The following TSPAN5 variants were observed in gnomAD, a reference collection of about 807,000 sequenced individuals.
TSPAN5 encodes the protein tetraspanin-5.
A neutral mutation model predicts 37.1 loss-of-function variants in TSPAN5; 10 were observed. The ratio of observed to expected loss-of-function variants is 0.27; its 90% confidence interval spans 0.17 to 0.46. TSPAN5 has a LOEUF of 0.46. TSPAN5 is among the 20% of genes least tolerant of loss of function. TSPAN5 has a pLI of 1.00. For missense variants in TSPAN5, 195 were observed against 326.6 expected, an observed-to-expected ratio of 0.60 and a Z score of 3.11; for synonymous variants, 110 against 118.9, an observed-to-expected ratio of 0.93 and a Z score of 0.48.
intron 1 of TSPAN5, among the ~76,000 whole-genome samples, chr4:98,548,444 A>T (rs1315503817): frequency 6.6e-6 from 1 of 152,208 alleles, no homozygotes; most frequent in Non-Finnish European, 1.5e-5. Context: ...GCAATGATGG[A>T]GAAAAGAGAT....
At chr4:98,509,198 T>G (rs1356993194) in intron 1 of TSPAN5, among the ~76,000 whole-genome samples, 1 of 152,178 alleles carries the variant, frequency 6.6e-6, no homozygotes, top group African/African-American at 2.4e-5. Context: ...ACATCTTGAT[T>G]AAGTTAATGT....
chr4:98,546,949 G>T (rs998209712), intron 1 of TSPAN5, among the ~76,000 whole-genome samples: 2 of 152,176 alleles, frequency 1.3e-5, no homozygotes, highest in Non-Finnish European at 2.9e-5. Context: ...CTGGGTGAGC[G>T]CTAATGAGGT....
chr4:98,562,337 A>C (rs1425393817), intron 1 of TSPAN5, among the ~76,000 whole-genome samples: 2 of 152,160 alleles, frequency 1.3e-5, no homozygotes, highest in African/African-American at 4.8e-5. Flanking sequence ...ATGAAAACTG[A>C]AATAAGACAA....
intron 1 of TSPAN5, among the ~76,000 whole-genome samples, chr4:98,520,291 T>G (rs1343036256): frequency 6.6e-6 from 1 of 152,176 alleles, no homozygotes; most frequent in East Asian, 1.9e-4. Context: ...ACTGTTTGTG[T>G]TCCGTTAAGT....
At chr4:98,502,653 TGA>T (rs1158902432) in intron 2 of TSPAN5, among the ~76,000 whole-genome samples, 2 of 151,980 alleles carry the variant, frequency 1.3e-5, no homozygotes, top group African/African-American at 4.8e-5. Flanking sequence ...AGTGAAAAAG[TGA>T]AAGATACCAT....
chr4:98,641,702 A>G (rs1307714673), intron 1 of TSPAN5, among the ~76,000 whole-genome samples: 1 of 152,162 alleles, frequency 6.6e-6, no homozygotes, highest in Non-Finnish European at 1.5e-5. Flanking sequence ...CTAATTCAAC[A>G]TATAAACGGT....
At chr4:98,564,659 G>C (rs897509993) in intron 1 of TSPAN5, among the ~76,000 whole-genome samples, 3 of 151,926 alleles carry the variant, frequency 2.0e-5, no homozygotes, top group African/African-American at 7.2e-5. Context: ...GCTGAGGCTT[G>C]GGTCTTGACA....
chr4:98,564,314 T>A (rs1754948461), intron 1 of TSPAN5, among the ~76,000 whole-genome samples: 1 of 152,236 alleles, frequency 6.6e-6, no homozygotes, highest in Non-Finnish European at 1.5e-5. Context: ...TATAAACATC[T>A]TTTCCTGTGT....
intron 1 of TSPAN5, among the ~76,000 whole-genome samples, chr4:98,536,798 G>A (rs1754245428): frequency 6.6e-6 from 1 of 152,314 alleles, no homozygotes; most frequent in Non-Finnish European, 1.5e-5. Context: ...AACTGTGAAT[G>A]TAAAACCACC....
At position 98,631,413 on chromosome 4, in the gene TSPAN5, G is replaced by A. The variant is rs548317037; in HGVS notation, c.81+26733C>T. 6.7e-3 allele frequency among the ~76,000 whole-genome samples: 1,019 copies of A among 152,202 alleles called. 15 individuals are homozygous for A. The highest frequency in any genetic ancestry group is 0.023 in the African/African-American group (964 of 41,512). On this transcript the variant is annotated intron_variant, in intron 1 of 7. Transcript: ENST00000305798. Reference sequence around the variant, plus strand: ...CTGCACATGTTCCATCCCTGACTCCGGGTGGGTGCACCTGTACCTGTGAAA... The same window carrying A: ...CTGCACATGTTCCATCCCTGACTCCAGGTGGGTGCACCTGTACCTGTGAAA...
At chr4:98,656,561 C>T (rs28744614) in intron 1 of TSPAN5, among the ~76,000 whole-genome samples, 73,070 of 152,062 alleles carry the variant, frequency 0.48, 19,301 homozygotes, top group African/African-American at 0.72. Flanking sequence ...GAAAATAATT[C>T]CTTCTTCCTG....
intron 1 of TSPAN5, among the ~76,000 whole-genome samples, chr4:98,508,522 C>CTTTTTTT (rs34342433): frequency 2.5e-5 from 3 of 121,926 alleles, no homozygotes; most frequent in Non-Finnish European, 5.1e-5. Flanking sequence ...TACTGTTTTT[C>CTTTTTTT]TTTTTTTTTT....
At chr4:98,480,547 C>T (rs1752814751) in intron 4 of TSPAN5, among the ~76,000 whole-genome samples, 1 of 152,222 alleles carries the variant, frequency 6.6e-6, no homozygotes, top group South Asian at 2.1e-4. Context: ...CAAGTCTCAA[C>T]CATTTGAAGA....
chr4:98,627,896 C>T (rs935728471), intron 1 of TSPAN5, among the ~76,000 whole-genome samples: 2 of 152,182 alleles, frequency 1.3e-5, no homozygotes, highest in Non-Finnish European at 1.5e-5. Flanking sequence ...AACAACAGCA[C>T]TAGGTTATAA....
At chr4:98,591,043 G>A (rs548480031) in intron 1 of TSPAN5, among the ~76,000 whole-genome samples, 6 of 150,140 alleles carry the variant, frequency 4.0e-5, no homozygotes, top group African/African-American at 1.5e-4. Flanking sequence ...GAGCAACTTT[G>A]CCCTGCCATG....
At chr4:98,545,585 A>T (rs1023763828) in intron 1 of TSPAN5, among the ~76,000 whole-genome samples, 1 of 151,824 alleles carries the variant, frequency 6.6e-6, no homozygotes, top group Non-Finnish European at 1.5e-5. Context: ...GCTGGAGTCC[A>T]GTGGTGTGAT....
At chr4:98,487,466 T>G (rs1752996672) in intron 2 of TSPAN5, among the ~76,000 whole-genome samples, 1 of 152,158 alleles carries the variant, frequency 6.6e-6, no homozygotes, top group African/African-American at 2.4e-5. Flanking sequence ...GTTAGACAAA[T>G]GCCTATTGCA....
At chr4:98,487,075 A>T (rs1415572710) in intron 2 of TSPAN5, among the ~76,000 whole-genome samples, 191 bp from the exon 3 acceptor site, 1 of 149,462 alleles carries the variant, frequency 6.7e-6, no homozygotes, top group Non-Finnish European at 1.5e-5. Context: ...AGAAAGAGTG[A>T]GAAAGAAAGA....
chr4:98,657,872 T>G (rs1464187472), intron 1 of TSPAN5, among the ~76,000 whole-genome samples: 2 of 152,002 alleles, frequency 1.3e-5, no homozygotes, highest in Admixed American at 1.3e-4. Flanking sequence ...TTCTTTTATC[T>G]GCATCCCTGC....
Sources: allele counts gnomAD v4.1 joint callset (sites outside exome capture counted in the v4.1 genomes callset), GRCh38; gene constraint gnomAD v4.1.1; transcripts MANE v1.5; gene names NCBI Gene and HGNC (gene_info 2026-07-23, HGNC 2026-07-21).